SERPINF2: variants seen among roughly 807,000 people sequenced by gnomAD.
SERPINF2 encodes serpin family F member 2.
SERPINF2 carries 15 observed loss-of-function variants against 45.0 expected under a neutral mutation model. That is an observed-to-expected ratio of 0.33 (90% confidence interval 0.22 to 0.51). The LOEUF (loss-of-function observed/expected upper bound fraction) is 0.51. SERPINF2 is among the 20% of genes least tolerant of loss of function. SERPINF2 has a pLI of 0.97. For synonymous variants in SERPINF2, 283 were observed against 277.9 expected (o/e 1.02, Z -0.18); for missense variants, 518 against 637.4 (o/e 0.81, Z 2.02).
At position 1,745,732 on chromosome 17, in the gene SERPINF2, A is replaced by AGC. The variant is rs746087003; in HGVS notation, c.190_191insGC (p.Lys64SerfsTer24). On this transcript the variant is annotated frameshift_variant, in exon 5 of 10. Transcript: ENST00000453066. LOFTEE classifies it high-confidence loss of function. This position sits in a 1 kb window ranked among gnomAD's most constrained non-coding sequence, Gnocchi z 6.2. ...GGAGCCTGGTGGCCAGACTGCCCTG[A>AGC]AGAGTCCCCCAGGAGTCTGCAGCAG... The AGC allele has an allele frequency of 2.5e-6, 4 of 1,613,764 alleles. No individual in the cohort carries two copies. Among genetic ancestry groups the AGC allele is most frequent in the Non-Finnish European group, 2.5e-6 (3 of 1,179,994 alleles).
At chr17:1,749,304 A>C (rs769185890) in intron 8 of SERPINF2, among the ~76,000 whole-genome samples, 47 of 152,338 alleles carry the variant, frequency 3.1e-4, no homozygotes, top group Admixed American at 2.6e-3. Flanking sequence ...AGGTGCCTGT[A>C]ATCCCAGCTA....
chr17:1,747,810 C>T (rs1905988749), intron 7 of SERPINF2, among the ~76,000 whole-genome samples: 1 of 151,944 alleles, frequency 6.6e-6, no homozygotes, highest in Admixed American at 6.5e-5. Flanking sequence ...GTGATCCACC[C>T]ACCTCGGCCT....
At chr17:1,747,641 T>G (rs1280495140) in intron 7 of SERPINF2, 129 bp downstream of exon 7, 4 of 1,009,922 alleles carry the variant, frequency 4.0e-6, no homozygotes. Context: ...CTCGGCTCCC[T>G]GCAACCTCCG....
chr17:1,750,175 G>A (rs892047349), intron 8 of SERPINF2, among the ~76,000 whole-genome samples: 3 of 151,952 alleles, frequency 2.0e-5, no homozygotes, highest in Non-Finnish European at 4.4e-5. Context: ...TTGAGACGGA[G>A]TTTCTCTCTA....
At chr17:1,746,951 G>GAT in intron 5 of SERPINF2, 68 bp from the exon 6 acceptor site, 11 of 1,573,328 alleles carry the variant, frequency 7.0e-6, no homozygotes, top group Non-Finnish European at 9.5e-6. Context: ...ATCCAGGAGG[G>GAT]ACTGGAGTGG....
At chr17:1,743,470 CT>C (rs1905481055) in intron 1 of SERPINF2, among the ~76,000 whole-genome samples, 2 of 151,600 alleles carry the variant, frequency 1.3e-5, no homozygotes, top group Admixed American at 6.6e-5. Context: ...CATCCCAGCA[CT>C]TTGGGAGGCT....
rs534579515 is a variant in SERPINF2 at position 1,744,433 on chromosome 17, C to T, written c.-4-559C>T. ...GCTTGAACCTGGGAGGTGGAGGTTGCGGTGAGCCGAGATCCTGCCACTGCA... is the reference window on the plus strand; with the variant it reads ...GCTTGAACCTGGGAGGTGGAGGTTGTGGTGAGCCGAGATCCTGCCACTGCA... On this transcript the variant is annotated intron_variant, in intron 1 of 9. Transcript: ENST00000453066. The T allele has an allele frequency of 1.9e-4, 89 of 468,540 alleles. No homozygotes were observed. The South Asian group carries it at 2.2e-3, about 11-fold the overall frequency. The allele number at this position is 468,540 out of a possible 1,614,324, so 29.0% of individuals were successfully genotyped here.
rs780632227 is a variant in SERPINF2 at position 1,745,816 on chromosome 17, G to A, written c.274G>A (p.Asp92Asn). ...CCGGGCCATGATGGCCTTCACTGCC[G>A]ACCTGTTCTCCCTGGTGGCTCAAAC... The part of the protein sequence containing the change: ...LARAMMAFTA[D>N]LFSLVAQTST... Residue 92 changes from aspartate to asparagine, a missense_variant, in exon 5 of 10, where the codon GAC (aspartate) becomes AAC (asparagine). By Grantham distance (23) the Asp-to-Asn change is conservative (BLOSUM62 1). Around this residue, in one of 2 missense-constraint regions of SERPINF2, gnomAD observed 435 missense variants for 577.3 expected, o/e 0.75. Coordinates refer to ENST00000453066, the MANE Select transcript of SERPINF2 (RefSeq NM_000934.4). This position sits in a 1 kb window ranked among gnomAD's most constrained non-coding sequence, Gnocchi z 6.2. 2.0e-5 allele frequency: 32 copies of A among 1,613,996 alleles called. 1 individual carries two copies. The South Asian group carries it at 2.1e-4, about 11-fold the overall frequency.
Position 1,754,154 on chromosome 17 carries a change from C to G in SERPINF2, c.1096C>G (p.Arg366Gly). The change falls in exon 10 of 10, where the codon CGT (arginine) becomes GGT (glycine). Residue 366 changes from arginine (R) to glycine (G), a missense_variant. Physicochemically the swap from Arg to Gly is moderately radical, Grantham distance 125 (BLOSUM62 -2). Transcript: ENST00000453066. ...LQELFQAPDLRGISEQSLVVS... is the reference protein window; with the variant it reads ...LQELFQAPDLGGISEQSLVVS... ...GGAGTTGTTCCAGGCCCCAGACCTGCGTGGGATCTCCGAGCAGAGCCTGGT... is the reference window on the plus strand; with the variant it reads ...GGAGTTGTTCCAGGCCCCAGACCTGGGTGGGATCTCCGAGCAGAGCCTGGT... 1.2e-6 allele frequency: 2 copies of G among 1,609,286 alleles called. No homozygotes were observed. Among genetic ancestry groups the G allele is most frequent in the Admixed American group, 3.3e-5 (2 of 60,014 alleles).
Position 1,745,477 on chromosome 17 carries a change from C to T in SERPINF2, c.165+82C>T, listed in dbSNP as rs1391056610. On this transcript the variant is annotated intron_variant, in intron 4 of 9. Coordinates refer to ENST00000453066, the MANE Select transcript of SERPINF2 (RefSeq NM_000934.4). The surrounding 1 kb of genome is among the most constrained non-coding windows in gnomAD (Gnocchi z 6.2). Reference sequence around the variant, plus strand: ...CGGCAGGGGTCGGGGGGTGGGGGCGCGTGCTGAGGCTGAGGCTCTGGAGTC... The same window carrying T: ...CGGCAGGGGTCGGGGGGTGGGGGCGTGTGCTGAGGCTGAGGCTCTGGAGTC... 8.3e-6 allele frequency: 12 copies of T among 1,443,320 alleles called. No homozygotes were observed. Among genetic ancestry groups the T allele is most frequent in the South Asian group, 2.3e-5 (2 of 85,672 alleles). The allele number at this position is 1,443,320 out of a possible 1,614,324, so 89.4% of individuals were successfully genotyped here. A position where few individuals can be genotyped will look rare whatever the true frequency, so the allele number is the denominator to read the frequency against.
At chr17:1,752,528 A>G (rs2151196593) in intron 8 of SERPINF2, 58 bp from the exon 9 acceptor site, 1 of 1,535,000 alleles carries the variant, frequency 6.5e-7, no homozygotes, top group Admixed American at 1.7e-5. Flanking sequence ...TGCTGGCCCC[A>G]CCCCCACTTA....
rs768459201 is a variant in SERPINF2 at position 1,745,427 on chromosome 17, C to T, written c.165+32C>T. ...CCAGGTGGGGCTGGGGAAGAGTGGG[C>T]GGGGCTAGAGGGAGGAGGGCCCATC... On this transcript the variant is annotated intron_variant, in intron 4 of 9. Coordinates refer to ENST00000453066, the MANE Select transcript of SERPINF2 (RefSeq NM_000934.4). The surrounding 1 kb of genome is among the most constrained non-coding windows in gnomAD (Gnocchi z 6.2). 24 of 315,276 alleles carry T rather than the reference C, an allele frequency of 7.6e-5. No individual in the cohort carries two copies. Among genetic ancestry groups the T allele is most frequent in the African/African-American group, 2.9e-4 (4 of 13,796 alleles). 19.5% of individuals were successfully genotyped at this position (315,276 alleles called of 1,614,324 possible). A position where few individuals can be genotyped will look rare whatever the true frequency, so the allele number is the denominator to read the frequency against.
At chr17:1,754,041 A>G (rs922497423) in intron 9 of SERPINF2, 81 bp from the exon 10 acceptor site, 15 of 1,533,952 alleles carry the variant, frequency 9.8e-6, no homozygotes, top group Non-Finnish European at 1.3e-5. Flanking sequence ...CCTGGCCAGG[A>G]TCTCAGACAC....
Position 1,745,303 on chromosome 17 carries a change from C to T in SERPINF2, c.103-30C>T, listed in dbSNP as rs755522783. 2.4e-5 allele frequency: 39 copies of T among 1,612,382 alleles called. No individual in the cohort carries two copies. The highest frequency in any genetic ancestry group is 1.7e-4 in the Middle Eastern group (1 of 6,010). On this transcript the variant is annotated intron_variant, in intron 3 of 9. Coordinates refer to ENST00000453066, the MANE Select transcript of SERPINF2 (RefSeq NM_000934.4). The surrounding 1 kb of genome is among the most constrained non-coding windows in gnomAD (Gnocchi z 6.2). Reference sequence around the variant, plus strand: ...AGGGTGGGGGGCCTGTGGGAAGGGTCGGTCTCCATCTGCTTGCTCCTTTCC... The same window carrying T: ...AGGGTGGGGGGCCTGTGGGAAGGGTTGGTCTCCATCTGCTTGCTCCTTTCC...
intron 1 of SERPINF2, among the ~76,000 whole-genome samples, chr17:1,743,527 C>T (rs917391620): frequency 1.3e-5 from 2 of 151,564 alleles, no homozygotes; most frequent in African/African-American, 4.8e-5. Flanking sequence ...ACCAGCCTGA[C>T]CAACATGGAG....
intron 1 of SERPINF2, chr17:1,743,127 C>T: frequency 1.0e-6 from 1 of 983,512 alleles, no homozygotes; most frequent in Non-Finnish European, 1.2e-6. Flanking sequence ...GGGGGTGGGG[C>T]CGGGGGGACC....
At position 1,754,530 on chromosome 17, in the gene SERPINF2, A is replaced by G; in HGVS notation, c.1472A>G (p.Lys491Arg). The change falls in exon 10 of 10, where the codon AAG (lysine) becomes AGG (arginine). Residue 491 changes from lysine to arginine, a missense_variant. This residue lies in a region of SERPINF2 where 83 missense variants were observed against 60.0 expected (regional missense o/e 1.38). Coordinates refer to ENST00000453066, the MANE Select transcript of SERPINF2 (RefSeq NM_000934.4). ...GATTACCCCCAGTTTGGCAGCCCCA[A>G]GTGAGGGGCCGTGGCTGTGGCATCC... ...EEDYPQFGSPK is the reference protein window; with the variant it reads ...EEDYPQFGSPR The G allele has an allele frequency of 6.2e-7, 1 of 1,608,376 alleles. No individual in the cohort carries two copies. Among genetic ancestry groups the G allele is most frequent in the Non-Finnish European group, 8.5e-7 (1 of 1,179,318 alleles).
chr17:1,754,685 T>TGGGGGGGGGGGGGGGG lies in SERPINF2; in HGVS notation c.*161_*162insGGGGGGGGGGGGGGGG. 2 of 179,686 alleles carry TGGGGGGGGGGGGGGGG rather than the reference T, an allele frequency of 1.1e-5. No homozygotes were observed. The highest frequency in any genetic ancestry group is 2.1e-5 in the Non-Finnish European group (2 of 94,438). The allele number at this position is 179,686 out of a possible 1,614,324, so 11.1% of individuals were successfully genotyped here. On this transcript the variant is annotated 3_prime_UTR_variant, in exon 10 of 10. Coordinates refer to ENST00000453066, the MANE Select transcript of SERPINF2 (RefSeq NM_000934.4). Reference sequence around the variant, plus strand: ...CCAACACCTCTTGGGGAGTTTAGGGTGGGGGGGGGGCGCGGCTGGGAGGAG... The same window carrying TGGGGGGGGGGGGGGGG: ...CCAACACCTCTTGGGGAGTTTAGGGTGGGGGGGGGGGGGGGGGGGGGGGGGGCGCGGCTGGGAGGAG...
In SERPINF2 at chr17:1,745,645, G is replaced by A. The variant is rs895217278; in HGVS notation, c.166-63G>A. ...CCTCAGGCACAGGGGCTGTGACAAG[G>A]CCTTCAACACAGAACCTGGAGCTGA... On this transcript the variant is annotated intron_variant, in intron 4 of 9. Transcript: ENST00000453066. This position sits in a 1 kb window ranked among gnomAD's most constrained non-coding sequence, Gnocchi z 6.2. The A allele has an allele frequency of 2.0e-5, 30 of 1,510,968 alleles. No individual in the cohort carries two copies. The highest frequency in any genetic ancestry group is 2.5e-5 in the Non-Finnish European group (27 of 1,093,928). The allele number at this position is 1,510,968 out of a possible 1,614,324, so 93.6% of individuals were successfully genotyped here. A position where few individuals can be genotyped will look rare whatever the true frequency, so the allele number is the denominator to read the frequency against.
Sources: allele counts gnomAD v4.1 joint callset (sites outside exome capture counted in the v4.1 genomes callset), GRCh38; gene constraint gnomAD v4.1.1; regional missense constraint gnomAD v4.1.1; non-coding constraint Gnocchi (gnomAD v3.1); transcripts MANE v1.5; gene names NCBI Gene and HGNC (gene_info 2026-07-23, HGNC 2026-07-21).